EYS: variants seen among roughly 807,000 people sequenced by gnomAD.
EYS encodes the protein protein eyes shut homolog.
EYS carries 250 observed loss-of-function variants against 282.1 expected under a neutral mutation model. The ratio of observed to expected loss-of-function variants is 0.89; its 90% CI spans 0.80 to 0.98. The LOEUF (loss-of-function observed/expected upper bound fraction) is 0.98. Among genes scored for constraint, EYS ranks in the 50% least tolerant of loss-of-function variants. The probability of loss-of-function intolerance (pLI) is 0.00; values close to 1 mark genes in which losing one functional copy is unlikely to be tolerated. For missense variants in EYS, 4,016 were observed against 3,709.0 expected (o/e 1.08, Z -2.15); for synonymous variants, 1,355 against 1,282.9 (o/e 1.06, Z -1.20).
intron 35 of EYS, among the ~76,000 whole-genome samples, chr6:63,907,962 CTG>C (rs1773816296): frequency 6.7e-6 from 1 of 148,290 alleles, no homozygotes; most frequent in African/African-American, 2.5e-5. Flanking sequence ...TTTTTTATGC[CTG>C]AATAGTATTG....
chr6:64,204,653 A>G (rs1186217170), intron 31 of EYS, among the ~76,000 whole-genome samples: 1 of 152,184 alleles, frequency 6.6e-6, no homozygotes, highest in Non-Finnish European at 1.5e-5. Flanking sequence ...TTAAACTAAC[A>G]TAGAAAATAA....
chr6:65,199,500 C>T (rs1247852028), intron 12 of EYS, among the ~76,000 whole-genome samples: 1 of 152,056 alleles, frequency 6.6e-6, no homozygotes, highest in Non-Finnish European at 1.5e-5. Context: ...CCCAAACTGA[C>T]CGAGGTCTCA....
At chr6:64,694,348 CAGA>C (rs921284188) in intron 22 of EYS, among the ~76,000 whole-genome samples, 19 of 152,222 alleles carry the variant, frequency 1.2e-4, no homozygotes, top group African/African-American at 4.1e-4. Flanking sequence ...GCATGTACAG[CAGA>C]AGATTGAGAG....
At chr6:64,735,544 T>C (rs2149956146) in intron 22 of EYS, among the ~76,000 whole-genome samples, 1 of 152,364 alleles carries the variant, frequency 6.6e-6, no homozygotes, top group South Asian at 2.1e-4. Context: ...GTATAACTTA[T>C]ACTTTGTCTT....
Position 64,912,449 on chromosome 6 carries a change from T to C in EYS, c.2641+35A>G, listed in dbSNP as rs117137733. On this transcript the variant is annotated intron_variant, in intron 16 of 42. Transcript: ENST00000503581. Reference sequence around the variant, plus strand: ...TAAATACACAAACTAATTAAGTAATTATTTAAAAACAATAAAATCCATATT... The same window carrying C: ...TAAATACACAAACTAATTAAGTAATCATTTAAAAACAATAAAATCCATATT... 2.5e-3 allele frequency: 3,764 copies of C among 1,533,064 alleles called. 131 individuals are homozygous for C. The East Asian group carries it at 0.076, about 31-fold the overall frequency. The allele number at this position is 1,533,064 out of a possible 1,614,324, so 95.0% of individuals were successfully genotyped here.
intron 15 of EYS, among the ~76,000 whole-genome samples, chr6:64,921,322 TTTAAAA>T (rs1395653925): frequency 6.6e-6 from 1 of 152,142 alleles, no homozygotes; most frequent in Non-Finnish European, 1.5e-5. Context: ...TTTATTAAAA[TTTAAAA>T]TTATAGAACA....
At chr6:63,973,884 C>A (rs1264965521) in intron 35 of EYS, among the ~76,000 whole-genome samples, 1 of 152,032 alleles carries the variant, frequency 6.6e-6, no homozygotes, top group Non-Finnish European at 1.5e-5. Context: ...CAGGTGGGAA[C>A]AATTTTTACT....
At chr6:65,193,496 T>G (rs1206854243) in intron 12 of EYS, among the ~76,000 whole-genome samples, 1 of 151,556 alleles carries the variant, frequency 6.6e-6, no homozygotes, top group Admixed American at 6.6e-5. Context: ...AATCATGGAG[T>G]ATAAGTGATG....
At chr6:65,211,296 CAGGAAGTCACTTGGTAAA>C (rs1392110066) in intron 12 of EYS, among the ~76,000 whole-genome samples, 1 of 151,932 alleles carries the variant, frequency 6.6e-6, no homozygotes, top group African/African-American at 2.4e-5. Flanking sequence ...CATATTCTAA[CAGGAAGTCACTTGGTAAA>C]AGAATCTGAA....
At chr6:64,340,316 A>G (rs1771051454) in intron 29 of EYS, among the ~76,000 whole-genome samples, 1 of 151,940 alleles carries the variant, frequency 6.6e-6, no homozygotes, top group Non-Finnish European at 1.5e-5. Flanking sequence ...CCTGACTTCA[A>G]ACTGTATTGT....
chr6:65,574,760 G>C (rs1590966), intron 2 of EYS, among the ~76,000 whole-genome samples: 112,359 of 151,976 alleles, frequency 0.74, 42,160 homozygotes, highest in African/African-American at 0.86. Flanking sequence ...ATGCTTTAGA[G>C]CAAGTGGCCT....
At chr6:64,979,381 C>G (rs567289632) in intron 14 of EYS, among the ~76,000 whole-genome samples, 70 of 151,798 alleles carry the variant, frequency 4.6e-4, no homozygotes, top group African/African-American at 1.6e-3. Context: ...GCATAAATCT[C>G]AAGATTATGA....
intron 28 of EYS, among the ~76,000 whole-genome samples, chr6:64,395,323 G>A (rs892793890): frequency 8.5e-5 from 13 of 152,050 alleles, no homozygotes; most frequent in East Asian, 1.9e-4. Context: ...CTATAAAGAC[G>A]CATGCACACG....
chr6:65,342,371 A>C (rs1156281629), intron 10 of EYS, among the ~76,000 whole-genome samples: 4 of 151,024 alleles, frequency 2.6e-5, no homozygotes, highest in Admixed American at 6.6e-5. Context: ...ATTCTTACTA[A>C]TTTTACTACA....
chr6:65,054,984 T>A (rs1349619020), intron 13 of EYS, among the ~76,000 whole-genome samples: 5 of 151,810 alleles, frequency 3.3e-5, no homozygotes, highest in Admixed American at 2.0e-4. Context: ...TTACTGTTTT[T>A]TATTTGTTTA....
At chr6:65,000,814 A>T (rs964616846) in intron 13 of EYS, among the ~76,000 whole-genome samples, 5 of 152,226 alleles carry the variant, frequency 3.3e-5, no homozygotes, top group African/African-American at 1.2e-4. Flanking sequence ...ATGGTGAACA[A>T]CCGTATAATG....
chr6:64,296,708 G>C lies in EYS; in HGVS notation c.6191+10262C>G, dbSNP rs962113986. ...TGCACCCTCTGCCTCTTGGGTTCAA[G>C]CAATTCTCCTGCCTCAGCCTCCCGA... On this transcript the variant is annotated intron_variant, in intron 30 of 42. Transcript: ENST00000503581. Among the ~76,000 whole-genome samples the C allele has an allele frequency of 2.7e-5, 4 of 149,048 alleles. No homozygotes were observed. The East Asian group carries it at 8.3e-4, about 31-fold the overall frequency.
chr6:65,260,033 G>C (rs766468292), intron 12 of EYS, among the ~76,000 whole-genome samples: 1 of 152,030 alleles, frequency 6.6e-6, no homozygotes, highest in Non-Finnish European at 1.5e-5. Flanking sequence ...AAGTAAAGAG[G>C]TTTAATTGAC....
At chr6:63,863,854 T>G (rs1016071977) in intron 36 of EYS, among the ~76,000 whole-genome samples, 1 of 152,038 alleles carries the variant, frequency 6.6e-6, no homozygotes, top group African/African-American at 2.4e-5. Context: ...TTTTGTATTT[T>G]TAGTAGAGAC....
Sources: gnomAD v4.1 joint callset for allele counts (sites outside exome capture counted in the v4.1 genomes callset) on GRCh38, gnomAD v4.1.1 for gene constraint, MANE v1.5 for transcripts, NCBI Gene and HGNC (gene_info 2026-07-23, HGNC 2026-07-21) for gene names.